Variants in KIFAP3 observed in about 807,000 individuals in gnomAD.
KIFAP3 encodes the protein kinesin-associated protein 3.
Under a neutral mutation model 106.5 loss-of-function variants are expected in KIFAP3, and 68 were observed. The observed-to-expected ratio is 0.64, with a 90% CI of 0.53 to 0.78. KIFAP3 has a LOEUF of 0.78. Ranked by LOEUF, KIFAP3 falls within the 30% of genes least tolerant of loss-of-function variation. The probability of loss-of-function intolerance (pLI) is 0.00; values close to 1 mark genes in which losing one functional copy is unlikely to be tolerated. For synonymous variants in KIFAP3, 320 were observed against 311.5 expected, an observed-to-expected ratio of 1.03 and a Z score of -0.29; for missense variants, 780 against 941.8, an observed-to-expected ratio of 0.83 and a Z score of 2.25.
intron 18 of KIFAP3, among the ~76,000 whole-genome samples, chr1:169,956,586 G>A (rs1027146976): frequency 2.8e-5 from 4 of 145,116 alleles, no homozygotes; most frequent in African/African-American, 5.0e-5. Context: ...AATAAAAAAA[G>A]AGTAAATTTA....
intron 10 of KIFAP3, among the ~76,000 whole-genome samples, chr1:169,999,789 G>C (rs1407537842): frequency 6.6e-6 from 1 of 152,078 alleles, no homozygotes; most frequent in African/African-American, 2.4e-5. Context: ...CCCAGCTGAG[G>C]GCAGTTAATG....
intron 19 of KIFAP3, among the ~76,000 whole-genome samples, chr1:169,949,894 A>G (rs1664641537): frequency 6.6e-6 from 1 of 152,234 alleles, no homozygotes; most frequent in South Asian, 2.1e-4. Flanking sequence ...CCAACTGCCA[A>G]TATCTATTTT....
chr1:169,983,216 T>G, intron 13 of KIFAP3, 54 bp downstream of exon 13: 1 of 996,192 alleles, frequency 1.0e-6, no homozygotes, highest in Non-Finnish European at 1.5e-6. Context: ...TATTTCCAAA[T>G]GTAGCAATTT....
At chr1:170,014,057 C>T (rs1310286565) in intron 10 of KIFAP3, among the ~76,000 whole-genome samples, 1 of 152,072 alleles carries the variant, frequency 6.6e-6, no homozygotes, top group African/African-American at 2.4e-5. Flanking sequence ...TTCCTTTTGC[C>T]TCATACTGGA....
chr1:170,079,902 A>G (rs1289481450), intron 1 of KIFAP3, among the ~76,000 whole-genome samples: 1 of 151,974 alleles, frequency 6.6e-6, no homozygotes, highest in Non-Finnish European at 1.5e-5. Context: ...CAATCTATAA[A>G]CAAGGGATGT....
upstream of KIFAP3, among the ~76,000 whole-genome samples, chr1:170,076,525 T>C (rs1171865975): frequency 6.6e-6 from 1 of 152,158 alleles, no homozygotes; most frequent in African/African-American, 2.4e-5. Flanking sequence ...TCCATAATGA[T>C]ACTCAACAAC....
intron 19 of KIFAP3, among the ~76,000 whole-genome samples, chr1:169,928,904 G>A (rs1180974975): frequency 6.6e-6 from 1 of 151,896 alleles, no homozygotes; most frequent in Non-Finnish European, 1.5e-5. Context: ...TCAGATTGTA[G>A]AAGAAGCTTG....
intron 19 of KIFAP3, among the ~76,000 whole-genome samples, chr1:169,939,852 T>A (rs957060663): frequency 6.6e-6 from 1 of 152,152 alleles, no homozygotes; most frequent in African/African-American, 2.4e-5. Context: ...TCCATTAGAT[T>A]TGGCAATATG....
intron 10 of KIFAP3, among the ~76,000 whole-genome samples, chr1:170,005,206 C>T (rs1267122627): frequency 2.6e-5 from 4 of 152,016 alleles, no homozygotes; most frequent in African/African-American, 4.8e-5. Context: ...AGTCAGGAAA[C>T]AACAGGTGCT....
intron 10 of KIFAP3, among the ~76,000 whole-genome samples, chr1:170,011,575 CAT>C (rs541575546): frequency 2.6e-5 from 4 of 151,720 alleles, no homozygotes; most frequent in Non-Finnish European, 4.4e-5. Context: ...ATTACATACA[CAT>C]GTGAGGGTTG....
At chr1:169,931,786 G>A (rs61806081) in intron 19 of KIFAP3, among the ~76,000 whole-genome samples, 1,689 of 152,230 alleles carry the variant, frequency 0.011, 20 homozygotes, top group Non-Finnish European at 0.017. Flanking sequence ...TATCATGTAA[G>A]TAGCAATGTT....
chr1:170,041,851 G>C (rs1453054696), intron 3 of KIFAP3: 1 of 1,418,858 alleles, frequency 7.0e-7, no homozygotes, highest in African/African-American at 1.4e-5. Context: ...CTGTAAAAAG[G>C]GCCCTGTTTA....
intron 10 of KIFAP3, among the ~76,000 whole-genome samples, chr1:170,002,689 T>C (rs868501376): frequency 1.8e-4 from 28 of 152,200 alleles, no homozygotes; most frequent in East Asian, 1.9e-4. Context: ...GATTAAAAGA[T>C]AACTTTAAGA....
intron 10 of KIFAP3, among the ~76,000 whole-genome samples, chr1:170,004,311 C>T (rs1473394022): frequency 6.6e-6 from 1 of 152,146 alleles, no homozygotes; most frequent in African/African-American, 2.4e-5. Context: ...AATGCCATCG[C>T]CATCAAGCTA....
chr1:170,052,177 A>G (rs1486380986), intron 2 of KIFAP3, among the ~76,000 whole-genome samples: 1 of 152,208 alleles, frequency 6.6e-6, no homozygotes, highest in African/African-American at 2.4e-5. Context: ...CCACAGAAAT[A>G]CAAACTACCA....
chr1:169,988,064 G>T (rs1666921510), intron 11 of KIFAP3, among the ~76,000 whole-genome samples: 6 of 151,884 alleles, frequency 4.0e-5, no homozygotes, highest in Admixed American at 3.9e-4. Context: ...AAGAAAATTA[G>T]AATACATTGG....
chr1:170,047,052 A>T (rs2102088892), intron 2 of KIFAP3, among the ~76,000 whole-genome samples, 186 bp from the exon 3 acceptor site: 1 of 152,302 alleles, frequency 6.6e-6, no homozygotes, highest in East Asian at 1.9e-4. Flanking sequence ...TGTGAACTAG[A>T]CAAACAAAAT....
intron 19 of KIFAP3, among the ~76,000 whole-genome samples, chr1:169,942,579 G>C (rs1664187186): frequency 1.3e-5 from 2 of 152,232 alleles, no homozygotes; most frequent in Admixed American, 1.3e-4. Flanking sequence ...ATATGCAGTT[G>C]GCTGTGGTTT....
rs112856980 is a variant in KIFAP3 at position 169,972,256 on chromosome 1, A to G, written c.1983+257T>C. Among the ~76,000 whole-genome samples, 1,281 of 152,154 alleles carry G rather than the reference A, an allele frequency of 8.4e-3. 23 individuals are homozygous for G. The highest frequency in any genetic ancestry group is 0.028 in the African/African-American group (1,165 of 41,542). ...CTATACAATAATTTATCCGAAAAAC[A>G]AGTGACTCTGTGATGACATGTAGAT... On this transcript the variant is annotated intron_variant, in intron 17 of 19. Coordinates refer to ENST00000361580, the MANE Select transcript of KIFAP3 (RefSeq NM_014970.4).
Sources: allele counts gnomAD v4.1 joint callset (sites outside exome capture counted in the v4.1 genomes callset), GRCh38; gene constraint gnomAD v4.1.1; transcripts MANE v1.5; gene names NCBI Gene and HGNC (gene_info 2026-07-23, HGNC 2026-07-21).